The following PTPRD variants were observed in gnomAD, a reference collection of about 807,000 sequenced individuals.
The protein encoded by PTPRD is protein tyrosine phosphatase receptor type D.
A neutral mutation model predicts 214.5 loss-of-function variants in PTPRD; 34 were observed. That is an observed-to-expected ratio of 0.16 (90% CI 0.12 to 0.21). The LOEUF is 0.21. PTPRD is among the 10% of genes least tolerant of loss of function. The pLI, the probability that PTPRD is intolerant of heterozygous loss-of-function variation, is 1.00. For missense variants in PTPRD, 2,545 were observed against 2,398.7 expected (o/e 1.06, Z -1.27); for synonymous variants, 1,128 against 845.7 (o/e 1.33, Z -5.79).
intron 8 of PTPRD, among the ~76,000 whole-genome samples, chr9:9,488,737 A>C (rs1347558000): frequency 6.6e-6 from 1 of 152,150 alleles, no homozygotes; most frequent in Non-Finnish European, 1.5e-5. Flanking sequence ...CTTCCAGGTA[A>C]AGGCTCAGAC....
intron 11 of PTPRD, among the ~76,000 whole-genome samples, chr9:8,832,394 G>C (rs6477358): frequency 1.4e-5 from 2 of 144,176 alleles, no homozygotes; most frequent in Admixed American, 7.0e-5. Context: ...GTAAAGCAAG[G>C]GGCAGCTAAA....
chr9:9,993,166 G>A (rs1430011177), intron 4 of PTPRD, among the ~76,000 whole-genome samples: 1 of 152,022 alleles, frequency 6.6e-6, no homozygotes, highest in Non-Finnish European at 1.5e-5. Flanking sequence ...TGGAGTAACT[G>A]GAATTCTCAT....
At chr9:8,702,899 G>A (rs548398370) in intron 12 of PTPRD, among the ~76,000 whole-genome samples, 23 of 152,280 alleles carry the variant, frequency 1.5e-4, no homozygotes, top group South Asian at 2.1e-4. Flanking sequence ...GAGCCACTGC[G>A]CCCGGCCATA....
At position 8,348,374 on chromosome 9, in the gene PTPRD, A is replaced by G. The variant is rs753960496; in HGVS notation, c.4662-6396T>C. ...GATGCCACTTTTTCTGATGCCTTAT[A>G]TATCTGAGAAACCCTTTGTGGGTTT... On this transcript the variant is annotated intron_variant, in intron 39 of 45. Transcript: ENST00000381196. 3.3e-5 allele frequency among the ~76,000 whole-genome samples: 5 copies of G among 152,054 alleles called. No homozygotes were observed. In the South Asian group the frequency reaches 8.3e-4, roughly 25 times the overall value.
chr9:9,120,042 T>C (rs1303487152), intron 10 of PTPRD, among the ~76,000 whole-genome samples: 1 of 152,176 alleles, frequency 6.6e-6, no homozygotes, highest in Admixed American at 6.5e-5. Flanking sequence ...CTAAACTGTG[T>C]TCTGTAAAAC....
intron 2 of PTPRD, among the ~76,000 whole-genome samples, chr9:10,598,186 TTTG>T: frequency 6.6e-6 from 1 of 151,804 alleles, no homozygotes; most frequent in Middle Eastern, 3.4e-3. Flanking sequence ...CAGTGTTGTT[TTTG>T]TTATTATTTG....
chr9:10,212,716 A>C (rs1158284140), intron 3 of PTPRD, among the ~76,000 whole-genome samples: 2 of 152,150 alleles, frequency 1.3e-5, no homozygotes, highest in Non-Finnish European at 2.9e-5. Context: ...CTGTTCAAAA[A>C]ATTTTACAAT....
intron 5 of PTPRD, among the ~76,000 whole-genome samples, chr9:9,821,382 C>G (rs1354609255): frequency 1.3e-5 from 2 of 152,108 alleles, no homozygotes; most frequent in African/African-American, 4.8e-5. Flanking sequence ...ATTGTACACA[C>G]ATTTGTGTGT....
chr9:9,699,849 G>C lies in PTPRD; in HGVS notation c.-287+34684C>G, dbSNP rs865798744. On this transcript the variant is annotated intron_variant, in intron 7 of 45. Transcript: ENST00000381196. ...CTAGAAAAGCAACATGATCAAATCA[G>C]AGTCAGCATACCAGCTGCTCATTTA... Among the ~76,000 whole-genome samples, 8 of 152,286 alleles carry C rather than the reference G, an allele frequency of 5.3e-5. No homozygotes were observed. The Middle Eastern group carries it at 0.014, about 259-fold the overall frequency.
At chr9:10,010,751 C>A (rs182903909) in intron 4 of PTPRD, among the ~76,000 whole-genome samples, 13 of 152,010 alleles carry the variant, frequency 8.6e-5, no homozygotes, top group Admixed American at 7.9e-4. Context: ...TTATTTAGAT[C>A]ATTATGGTAA....
At chr9:9,541,828 A>ATTTTGG (rs2077647964) in intron 8 of PTPRD, among the ~76,000 whole-genome samples, 2 of 151,808 alleles carry the variant, frequency 1.3e-5, no homozygotes, top group African/African-American at 2.4e-5. Context: ...ATGGTGAGGT[A>ATTTTGG]ATAACTATGG....
At chr9:9,550,035 G>A (rs938360283) in intron 8 of PTPRD, among the ~76,000 whole-genome samples, 1 of 151,972 alleles carries the variant, frequency 6.6e-6, no homozygotes, top group Non-Finnish European at 1.5e-5. Context: ...CAAATTAAAT[G>A]TTGCTGTGAA....
chr9:8,528,822 G>C (rs778043106), intron 14 of PTPRD, 43 bp from the exon 15 acceptor site: 2 of 1,586,316 alleles, frequency 1.3e-6, no homozygotes, highest in Non-Finnish European at 1.7e-6. Flanking sequence ...TAATAAGTCA[G>C]ATGCTCCAAA....
intron 14 of PTPRD, among the ~76,000 whole-genome samples, chr9:8,586,772 T>C (rs1243132319): frequency 1.3e-5 from 2 of 152,216 alleles, no homozygotes; most frequent in Non-Finnish European, 2.9e-5. Flanking sequence ...AAATATTTTA[T>C]ATTAATACTA....
intron 14 of PTPRD, among the ~76,000 whole-genome samples, chr9:8,547,284 G>A (rs1161357324): frequency 6.6e-6 from 1 of 152,042 alleles, no homozygotes; most frequent in Non-Finnish European, 1.5e-5. Context: ...GAGCTTACCA[G>A]AAAGGATATA....
intron 2 of PTPRD, among the ~76,000 whole-genome samples, chr9:10,479,483 T>C (rs1357395300): frequency 1.3e-5 from 2 of 152,054 alleles, no homozygotes; most frequent in Non-Finnish European, 2.9e-5. Flanking sequence ...ACTTCAACTT[T>C]AAACCACACA....
chr9:10,193,529 C>G (rs2099383844), intron 3 of PTPRD, among the ~76,000 whole-genome samples: 1 of 152,126 alleles, frequency 6.6e-6, no homozygotes, highest in African/African-American at 2.4e-5. Context: ...AGGGAACCAA[C>G]ACCTTTGAGT....
intron 2 of PTPRD, among the ~76,000 whole-genome samples, chr9:10,568,236 G>A (rs2066286616): frequency 6.6e-6 from 1 of 151,132 alleles, no homozygotes; most frequent in Non-Finnish European, 1.5e-5. Flanking sequence ...TTGTCCTTGT[G>A]ATAGTTTGCC....
intron 11 of PTPRD, among the ~76,000 whole-genome samples, chr9:8,838,620 T>A (rs1387592224): frequency 6.6e-6 from 1 of 152,170 alleles, no homozygotes; most frequent in Non-Finnish European, 1.5e-5. Flanking sequence ...TGACAGATTT[T>A]TTTTTTACAT....
Sources: gnomAD v4.1 joint callset for allele counts (sites outside exome capture counted in the v4.1 genomes callset) on GRCh38, gnomAD v4.1.1 for gene constraint, MANE v1.5 for transcripts, NCBI Gene and HGNC (gene_info 2026-07-23, HGNC 2026-07-21) for gene names.